The following LGMN variants were observed in gnomAD, a reference collection of about 807,000 sequenced individuals.
The protein encoded by LGMN is legumain.
In LGMN, 36 loss-of-function variants were observed where a neutral mutation model predicts 56.8. The ratio of observed to expected loss-of-function variants is 0.63; its 90% confidence interval spans 0.49 to 0.84. The LOEUF is 0.84. LGMN is among the 40% of genes least tolerant of loss of function. The pLI, the probability that LGMN is intolerant of heterozygous loss-of-function variation, is 0.00. For synonymous variants in LGMN, 199 were observed against 210.1 expected, an observed-to-expected ratio of 0.95 and a Z score of 0.46; for missense variants, 446 against 556.1, an observed-to-expected ratio of 0.80 and a Z score of 1.99.
intron 1 of LGMN, among the ~76,000 whole-genome samples, chr14:92,744,119 A>C (rs915932921): frequency 1.3e-5 from 2 of 151,906 alleles, no homozygotes; most frequent in South Asian, 4.1e-4. Context: ...GCGCCACTGC[A>C]CTCCAGCCTG....
intron 2 of LGMN, among the ~76,000 whole-genome samples, chr14:92,719,338 A>ACCG (rs1566924751): frequency 1.5e-5 from 1 of 67,564 alleles, no homozygotes; most frequent in African/African-American, 6.9e-5. Context: ...CGCCACCGCC[A>ACCG]TCACCGCCAC....
At chr14:92,721,506 G>A (rs568997033) in intron 2 of LGMN, among the ~76,000 whole-genome samples, 22 of 152,304 alleles carry the variant, frequency 1.4e-4, no homozygotes, top group African/African-American at 5.1e-4. Context: ...GAAGTCTGTG[G>A]CAATCTGTTT....
Position 92,719,131 on chromosome 14 carries a change from ACCGCCACCGCCACCACCACCGCCACTG to A in LGMN, c.139-314_139-288del, listed in dbSNP as rs1890222174. 2.7e-5 allele frequency among the ~76,000 whole-genome samples: 4 copies of A among 146,250 alleles called. 1 individual carries two copies. Among genetic ancestry groups the A allele is most frequent in the Middle Eastern group, 7.0e-3 (2 of 286 alleles). ...ACATACACACCCCACCACCACAACCACCGCCACCGCCACCACCACCGCCACTGCCACCACCACCACCACCACCACCAT... is the reference window on the plus strand; with the variant it reads ...ACATACACACCCCACCACCACAACCACCACCACCACCACCACCACCACCAT... On this transcript the variant is annotated intron_variant, in intron 2 of 13. Coordinates refer to ENST00000334869, the MANE Select transcript of LGMN (RefSeq NM_005606.7).
At chr14:92,736,917 C>A (rs1334134158) in intron 1 of LGMN, among the ~76,000 whole-genome samples, 1 of 152,134 alleles carries the variant, frequency 6.6e-6, no homozygotes, top group Non-Finnish European at 1.5e-5. Context: ...GAGAGAGAGT[C>A]AAGGAGCAAA....
intron 2 of LGMN, among the ~76,000 whole-genome samples, chr14:92,719,917 G>A (rs1019422575): frequency 1.3e-5 from 2 of 152,234 alleles, no homozygotes; most frequent in South Asian, 2.1e-4. Context: ...AAGGAGAGGC[G>A]TGTGCCCAGC....
intron 1 of LGMN, among the ~76,000 whole-genome samples, chr14:92,735,832 T>C (rs1891278280): frequency 6.6e-6 from 1 of 151,802 alleles, no homozygotes; most frequent in Admixed American, 6.6e-5. Flanking sequence ...TAGCGGCTAG[T>C]ATGGCACATA....
chr14:92,739,415 C>T (rs1891449435), intron 1 of LGMN, among the ~76,000 whole-genome samples: 1 of 152,148 alleles, frequency 6.6e-6, no homozygotes, highest in African/African-American at 2.4e-5. Context: ...CATCTACCTC[C>T]TCTCCTTTAA....
Position 92,703,829 on chromosome 14 carries a change from T to C in LGMN, c.*490A>G, listed in dbSNP as rs920324464. ...GAATATTTGGGTTCTGTTATAAATCTTTATTTTTTAAGACTTGAACACCTG... is the reference window on the plus strand; with the variant it reads ...GAATATTTGGGTTCTGTTATAAATCCTTATTTTTTAAGACTTGAACACCTG... On this transcript the variant is annotated 3_prime_UTR_variant, in exon 14 of 14. Transcript: ENST00000334869. The C allele has an allele frequency of 1.9e-5, 6 of 323,886 alleles. No individual in the cohort carries two copies. Among genetic ancestry groups the C allele is most frequent in the Non-Finnish European group, 3.5e-5 (6 of 171,600 alleles). 20.1% of individuals were successfully genotyped at this position (323,886 alleles called of 1,614,324 possible).
At chr14:92,733,246 T>A (rs1185816385) in intron 1 of LGMN, among the ~76,000 whole-genome samples, 5 of 151,068 alleles carry the variant, frequency 3.3e-5, no homozygotes, top group African/African-American at 1.2e-4. Context: ...ACCACCAGAG[T>A]ATGTTGAAGA....
chr14:92,729,535 G>A (rs934609441), intron 2 of LGMN, among the ~76,000 whole-genome samples: 10 of 125,560 alleles, frequency 8.0e-5, no homozygotes, highest in African/African-American at 2.7e-4. Context: ...AATCCAATTT[G>A]GTCAAGACAA....
chr14:92,732,982 C>T (rs1326283034), intron 1 of LGMN, among the ~76,000 whole-genome samples, 167 bp from the exon 2 acceptor site: 1 of 151,980 alleles, frequency 6.6e-6, no homozygotes, highest in Non-Finnish European at 1.5e-5. Context: ...GACCTCATCT[C>T]TACTAAAAAT....
At chr14:92,734,091 C>T (rs1452094891) in intron 1 of LGMN, among the ~76,000 whole-genome samples, 1 of 152,202 alleles carries the variant, frequency 6.6e-6, no homozygotes, top group Non-Finnish European at 1.5e-5. Context: ...GAGCTATAGT[C>T]AAACATTAAT....
At chr14:92,738,741 C>T (rs568206047) in intron 1 of LGMN, among the ~76,000 whole-genome samples, 3 of 151,976 alleles carry the variant, frequency 2.0e-5, no homozygotes, top group African/African-American at 7.2e-5. Context: ...ACATACATGG[C>T]CGGGCACAGT....
Position 92,704,203 on chromosome 14 carries a change from G to A in LGMN, c.*116C>T. ...AGGTCCTGGAGCGAGCCCTGGAGCG[G>A]GGGCTCCCCAGGAGGGCCCGAGCAG... is the stretch of plus-strand genomic sequence containing the variant. On this transcript the variant is annotated 3_prime_UTR_variant, in exon 14 of 14. Coordinates refer to ENST00000334869, the MANE Select transcript of LGMN (RefSeq NM_005606.7). 1.5e-6 allele frequency: 2 copies of A among 1,334,392 alleles called. No homozygotes were observed. Among genetic ancestry groups the A allele is most frequent in the Non-Finnish European group, 2.2e-6 (2 of 926,324 alleles). 82.7% of individuals were successfully genotyped at this position (1,334,392 alleles called of 1,614,324 possible).
intron 4 of LGMN, 118 bp from the exon 5 acceptor site, chr14:92,716,339 G>T: frequency 1.3e-6 from 1 of 781,692 alleles, no homozygotes; most frequent in Non-Finnish European, 2.3e-6. Flanking sequence ...TGGCTTAACA[G>T]CAAACACTTT....
intron 2 of LGMN, 193 bp downstream of exon 2, chr14:92,732,456 C>T: frequency 1.7e-6 from 1 of 598,548 alleles, no homozygotes; most frequent in South Asian, 2.2e-5. Context: ...ATGGCTACAC[C>T]ATCTTATAAT....
intron 1 of LGMN, among the ~76,000 whole-genome samples, chr14:92,738,848 G>A (rs1324954537): frequency 6.6e-6 from 1 of 151,518 alleles, no homozygotes; most frequent in Non-Finnish European, 1.5e-5. Flanking sequence ...GTGAAACCCT[G>A]TCTCTACTAA....
At chr14:92,708,860 A>AAAAAAAAAAAAAAAC (rs1889583950) in intron 11 of LGMN, among the ~76,000 whole-genome samples, 1 of 102,596 alleles carries the variant, frequency 9.7e-6, no homozygotes, top group African/African-American at 4.1e-5. Context: ...TTGTCTCAAA[A>AAAAAAAAAAAAAAAC]AAAAAAAAAA....
At chr14:92,747,541 C>T (rs375097598) in intron 1 of LGMN, among the ~76,000 whole-genome samples, 1 of 152,142 alleles carries the variant, frequency 6.6e-6, no homozygotes, top group East Asian at 1.9e-4. Flanking sequence ...CCACTCAAGC[C>T]TCCCCACCTC....
Sources: gnomAD v4.1 joint callset for allele counts (sites outside exome capture counted in the v4.1 genomes callset) on GRCh38, gnomAD v4.1.1 for gene constraint, MANE v1.5 for transcripts, NCBI Gene and HGNC (gene_info 2026-07-23, HGNC 2026-07-21) for gene names.